HYDIN: variants seen among roughly 807,000 people sequenced by gnomAD.
The protein encoded by HYDIN is axonemal central pair apparatus protein HYDIN.
In HYDIN, 132 loss-of-function variants were observed where a neutral mutation model predicts 403.9. The ratio of observed to expected loss-of-function variants is 0.33; its 90% CI spans 0.28 to 0.38. The LOEUF (loss-of-function observed/expected upper bound fraction) is 0.38, where lower values mean the gene tolerates loss of function less well. Among genes scored for constraint, HYDIN ranks in the 10% least tolerant of loss-of-function variants. HYDIN has a pLI of 1.00. For missense variants in HYDIN, 2,827 were observed against 5,009.5 expected (o/e 0.56, Z 13.15); for synonymous variants, 1,202 against 1,891.7 (o/e 0.64, Z 9.46).
intron 45 of HYDIN, among the ~76,000 whole-genome samples, chr16:70,932,336 CAG>C (rs2077369361): frequency 1.3e-5 from 2 of 151,928 alleles, no homozygotes; most frequent in Admixed American, 6.6e-5. Context: ...GCTTAGACGA[CAG>C]AGCAAGATTC....
chr16:71,031,487 C>G, intron 19 of HYDIN, 192 bp downstream of exon 19: 1 of 1,353,562 alleles, frequency 7.4e-7, no homozygotes, highest in Middle Eastern at 2.8e-4. Context: ...GAGAATGCAA[C>G]CAAGTTATGG....
In HYDIN at chr16:71,093,917, G is replaced by A. The variant is rs2083193779; in HGVS notation, c.1346C>T (p.Pro449Leu). 2 of 1,613,268 alleles carry A rather than the reference G, an allele frequency of 1.2e-6. No homozygotes were observed. Among genetic ancestry groups the A allele is most frequent in the South Asian group, 2.2e-5 (2 of 90,922 alleles). ...CATGCCTTCCCCTTTGATTCGGAGGGGCAGACGGATTTCTCGGCCTAGAAA... is the reference window on the plus strand; with the variant it reads ...CATGCCTTCCCCTTTGATTCGGAGGAGCAGACGGATTTCTCGGCCTAGAAA... ...CDILGREIRL[P>L]LRIKGEGMGP... The change falls in exon 11 of 86, where the codon CCC becomes CTC. Residue 449 changes from proline to leucine, a missense_variant. Physicochemically the swap from Pro to Leu is moderately conservative, Grantham distance 98. Transcript: ENST00000393567.
Position 70,981,187 on chromosome 16 carries a change from CA to C in HYDIN, c.4510+203del, listed in dbSNP as rs539659524. ...GTAATTCAATAATGGCCAAATTGGC[CA>C]GGGTTCTTCACTTGGGGCTGCCATA... is the stretch of plus-strand genomic sequence containing the variant. On this transcript the variant is annotated intron_variant, in intron 29 of 85. Coordinates refer to ENST00000393567, the MANE Select transcript of HYDIN (RefSeq NM_001270974.2). Among the ~76,000 whole-genome samples, 787 of 152,274 alleles carry C rather than the reference CA, an allele frequency of 5.2e-3. 6 individuals are homozygous for C. Among genetic ancestry groups the C allele is most frequent in the African/African-American group, 0.018 (739 of 41,542 alleles).
chr16:71,149,517 ATTTTT>A (rs1202247287), intron 7 of HYDIN, among the ~76,000 whole-genome samples: 2 of 150,758 alleles, frequency 1.3e-5, no homozygotes, highest in Admixed American at 1.3e-4. Flanking sequence ...TGGTTATTTT[ATTTTT>A]TATTTTTTAT....
intron 21 of HYDIN, among the ~76,000 whole-genome samples, chr16:71,021,526 T>C (rs1371963370): frequency 1.3e-5 from 2 of 152,100 alleles, no homozygotes; most frequent in Non-Finnish European, 2.9e-5. Context: ...AGATTTAATT[T>C]TTCAACTAGA....
intron 83 of HYDIN, among the ~76,000 whole-genome samples, chr16:70,821,927 C>T (rs1463831074): frequency 6.6e-6 from 1 of 152,030 alleles, no homozygotes; most frequent in Admixed American, 6.6e-5. Flanking sequence ...AGATTTCTTT[C>T]AAAATATTAC....
At chr16:70,949,429 G>A (rs12449186) in intron 41 of HYDIN, among the ~76,000 whole-genome samples, 72,612 of 151,120 alleles carry the variant, frequency 0.48, 20,915 homozygotes, top group Non-Finnish European at 0.65. Context: ...TGCACATTGT[G>A]CACATGTACC....
rs533839467 is a variant in HYDIN, at chr16:71,093,704, C to T, written c.1446+113G>A. 4.5e-5 allele frequency: 54 copies of T among 1,212,690 alleles called. 1 individual carries two copies. In the South Asian group the frequency reaches 4.5e-4, roughly 10 times the overall value. 75.1% of individuals were successfully genotyped at this position (1,212,690 alleles called of 1,614,324 possible). A position where few individuals can be genotyped will look rare whatever the true frequency, so the allele number is the denominator to read the frequency against. ...CCAGGGTCTCAACAAGGATGAGTAA[C>T]GGCGAATAAATGTGATTGCATACTC... On this transcript the variant is annotated intron_variant, in intron 11 of 85. Transcript: ENST00000393567.
At chr16:71,163,393 G>C (rs1348731777) in intron 5 of HYDIN, among the ~76,000 whole-genome samples, 1 of 152,156 alleles carries the variant, frequency 6.6e-6, no homozygotes, top group African/African-American at 2.4e-5. Context: ...AAAGTGCTGG[G>C]ATTACAGGCG....
chr16:70,929,028 A>G (rs2502715), intron 45 of HYDIN, among the ~76,000 whole-genome samples: 86,479 of 151,782 alleles, frequency 0.57, 25,109 homozygotes, highest in Non-Finnish European at 0.62. Flanking sequence ...GGTGGCTCAC[A>G]CCTGTAATCC....
rs2037545594 is a variant in HYDIN, at chr16:70,837,883, T to A, written c.13049A>T (p.Asp4350Val). The A allele has an allele frequency of 3.7e-6, 6 of 1,612,948 alleles. No homozygotes were observed. The highest frequency in any genetic ancestry group is 5.1e-6 in the Non-Finnish European group (6 of 1,179,112). ...TNKEETPMSIDCLYTNTTHLE... is the reference protein window; with the variant it reads ...TNKEETPMSIVCLYTNTTHLE... ...GTGAGTGGTGTTGGTGTACAGACAA[T>A]CTATGCTGCAGAAAATCAAGAGGAA... The change falls in exon 77 of 86, where the codon GAT becomes GTT. Residue 4350 changes from aspartate (D) to valine (V), a missense_variant. Physicochemically the swap from Asp to Val is radical, Grantham distance 152 (BLOSUM62 -3). Coordinates refer to ENST00000393567, the MANE Select transcript of HYDIN (RefSeq NM_001270974.2).
At chr16:70,826,693 C>T (rs1269748635) in intron 83 of HYDIN, among the ~76,000 whole-genome samples, 1 of 134,998 alleles carries the variant, frequency 7.4e-6, no homozygotes, top group Non-Finnish European at 1.5e-5. Context: ...CTGCTGGATG[C>T]GTCTTGCCAG....
chr16:70,888,605 T>C (rs1798448), intron 58 of HYDIN, among the ~76,000 whole-genome samples: 12,119 of 142,554 alleles, frequency 0.085, 1,930 homozygotes, highest in African/African-American at 0.33. Context: ...TGTCTCATTA[T>C]CACTAGGTTG....
chr16:71,168,319 CA>C (rs71302043), intron 5 of HYDIN, among the ~76,000 whole-genome samples: 4,673 of 86,456 alleles, frequency 0.054, 262 homozygotes, highest in African/African-American at 0.19. Flanking sequence ...AACCCTGCTT[CA>C]AAAAAAAAAA....
intron 41 of HYDIN, among the ~76,000 whole-genome samples, chr16:70,944,459 G>T (rs2456141): frequency 1.3e-5 from 2 of 152,130 alleles, no homozygotes; most frequent in East Asian, 3.9e-4. Context: ...CATGTTACCC[G>T]GGTTACGTCA....
At chr16:71,056,391 T>C (rs1043855922) in intron 18 of HYDIN, among the ~76,000 whole-genome samples, 6 of 150,880 alleles carry the variant, frequency 4.0e-5, no homozygotes, top group African/African-American at 1.5e-4. Flanking sequence ...TATGAAGAGG[T>C]CCCAGGTGTT....
At chr16:71,065,136 T>A (rs1402261665) in intron 15 of HYDIN, among the ~76,000 whole-genome samples, 1 of 152,234 alleles carries the variant, frequency 6.6e-6, no homozygotes, top group African/African-American at 2.4e-5. Flanking sequence ...GGGGTCCCCA[T>A]GGCGCAAGAT....
At chr16:71,022,361 A>G (rs1331394760) in intron 21 of HYDIN, among the ~76,000 whole-genome samples, 1 of 152,218 alleles carries the variant, frequency 6.6e-6, no homozygotes, top group Non-Finnish European at 1.5e-5. Flanking sequence ...TCATGAAGAA[A>G]AGTGGCTGCT....
intron 5 of HYDIN, among the ~76,000 whole-genome samples, chr16:71,167,594 T>A (rs1597930146): frequency 6.6e-6 from 1 of 152,058 alleles, no homozygotes; most frequent in African/African-American, 2.4e-5. Context: ...TTTCAGACCT[T>A]TTCAAGTTCC....
Sources: gnomAD v4.1 joint callset for allele counts (sites outside exome capture counted in the v4.1 genomes callset) on GRCh38, gnomAD v4.1.1 for gene constraint, MANE v1.5 for transcripts, NCBI Gene and HGNC (gene_info 2026-07-23, HGNC 2026-07-21) for gene names.